SUZ12: variants seen among roughly 807,000 people sequenced by gnomAD.
SUZ12 encodes the protein polycomb protein SUZ12.
SUZ12 carries 17 observed loss-of-function variants against 87.3 expected under a neutral mutation model. That is an observed-to-expected ratio of 0.19 (90% CI 0.13 to 0.29). SUZ12 has a LOEUF of 0.29. Among genes scored for constraint, SUZ12 ranks in the 10% least tolerant of loss-of-function variants. The pLI is 1.00. For synonymous variants in SUZ12, 253 were observed against 312.4 expected, an observed-to-expected ratio of 0.81 and a Z score of 2.01; for missense variants, 526 against 912.2, an observed-to-expected ratio of 0.58 and a Z score of 5.45.
At chr17:31,950,795 T>G (rs1052758670) in intron 4 of SUZ12, among the ~76,000 whole-genome samples, 1 of 152,190 alleles carries the variant, frequency 6.6e-6, no homozygotes, top group Non-Finnish European at 1.5e-5. Flanking sequence ...CTTTTTTTTT[T>G]TTGAGACGGA....
rs1908587973 is a variant in SUZ12, at chr17:31,973,940, TA to T, written c.591+712del. 2.0e-5 allele frequency among the ~76,000 whole-genome samples: 3 copies of T among 152,060 alleles called. No homozygotes were observed. In the South Asian group the frequency reaches 6.2e-4, roughly 32 times the overall value. On this transcript the variant is annotated intron_variant, in intron 6 of 15. Transcript: ENST00000322652. Reference sequence around the variant, plus strand: ...GGAACTTTATTTTTGAAAGTTTATGTAAAGGCCGGTTGCCGTAGCTCACACC... The same window carrying T: ...GGAACTTTATTTTTGAAAGTTTATGTAAGGCCGGTTGCCGTAGCTCACACC...
chr17:31,949,931 C>T (rs188739846), intron 4 of SUZ12, among the ~76,000 whole-genome samples: 44 of 152,118 alleles, frequency 2.9e-4, no homozygotes, highest in Admixed American at 2.9e-3. Flanking sequence ...GATCTGCCTG[C>T]CTTGGCCTCC....
intron 9 of SUZ12, among the ~76,000 whole-genome samples, chr17:31,987,594 A>G (rs1187716731): frequency 6.6e-6 from 1 of 152,136 alleles, no homozygotes; most frequent in Non-Finnish European, 1.5e-5. Flanking sequence ...CTAAGAGCAA[A>G]GGTTGCATGC....
At chr17:31,978,340 C>T (rs1908879708) in intron 8 of SUZ12, among the ~76,000 whole-genome samples, 1 of 152,136 alleles carries the variant, frequency 6.6e-6, no homozygotes, top group African/African-American at 2.4e-5. Context: ...TCCTGAATAG[C>T]TGGGATTACA....
At chr17:31,994,807 T>G in intron 13 of SUZ12, 86 bp downstream of exon 13, 1 of 1,433,884 alleles carries the variant, frequency 7.0e-7, no homozygotes, top group Non-Finnish European at 9.4e-7. Flanking sequence ...AAGCTACTAG[T>G]TCGTTAGGTG....
intron 4 of SUZ12, among the ~76,000 whole-genome samples, chr17:31,956,958 T>C (rs1907382330): frequency 6.6e-6 from 1 of 152,124 alleles, no homozygotes; most frequent in Admixed American, 6.5e-5. Flanking sequence ...GTATTTTTAG[T>C]AGAGACTAGT....
Position 31,937,201 on chromosome 17 carries a change from G to T in SUZ12, c.-46G>T. The T allele has an allele frequency of 7.2e-7, 1 of 1,393,410 alleles. No homozygotes were observed. The highest frequency in any genetic ancestry group is 1.5e-5 in the African/African-American group (1 of 65,354). The allele number at this position is 1,393,410 out of a possible 1,614,324, so 86.3% of individuals were successfully genotyped here. ...TGGTATTGCAGGCGCTTGCTCTCCG[G>T]GGCCGCCCGGCGGGTAGCTGGCGGG... On this transcript the variant is annotated 5_prime_UTR_variant, in exon 1 of 16. Transcript: ENST00000322652.
intron 4 of SUZ12, among the ~76,000 whole-genome samples, chr17:31,949,461 TTAA>T (rs1310357637): frequency 6.6e-6 from 1 of 152,052 alleles, no homozygotes; most frequent in Non-Finnish European, 1.5e-5. Flanking sequence ...CTAAGATGAA[TTAA>T]GAAAGTGTGT....
intron 8 of SUZ12, among the ~76,000 whole-genome samples, chr17:31,980,548 C>T (rs1909044420): frequency 7.0e-6 from 1 of 143,636 alleles, no homozygotes; most frequent in Non-Finnish European, 1.5e-5. Context: ...CTCCCGGGTT[C>T]AAGCGATTCT....
chr17:31,993,792 G>A, intron 11 of SUZ12, 73 bp from the exon 12 acceptor site: 1 of 1,419,500 alleles, frequency 7.0e-7, no homozygotes, highest in Non-Finnish European at 9.6e-7. Flanking sequence ...ACTATTTTTA[G>A]AAGTGATATT....
chr17:31,973,012 A>T, intron 5 of SUZ12, 134 bp from the exon 6 acceptor site: 1 of 692,836 alleles, frequency 1.4e-6, no homozygotes, highest in Non-Finnish European at 2.3e-6. Context: ...GATTTGAGGA[A>T]AAAAGAATGA....
intron 4 of SUZ12, among the ~76,000 whole-genome samples, chr17:31,951,774 C>G (rs1319245470): frequency 7.4e-6 from 1 of 135,442 alleles, no homozygotes; most frequent in Non-Finnish European, 1.5e-5. Flanking sequence ...CCGCGCCCAG[C>G]CTTTTTTTTT....
rs796203928 is a variant in SUZ12 at position 31,999,744 on chromosome 17, GT to G, written c.*753del. The G allele has an allele frequency of 0.015, 2,844 of 186,514 alleles. No homozygotes were observed. Among genetic ancestry groups the G allele is most frequent in the East Asian group, 0.028 (307 of 11,100 alleles). The allele number at this position is 186,514 out of a possible 1,614,324, so 11.6% of individuals were successfully genotyped here. A position where few individuals can be genotyped will look rare whatever the true frequency, so the allele number is the denominator to read the frequency against. On this transcript the variant is annotated 3_prime_UTR_variant, in exon 16 of 16. Transcript: ENST00000322652. ...TTTTAGTGCATTGCTCACCCGGTAT[GT>G]TTTTTTTTTTTAACTTGAACATTTT...
chr17:31,949,992 G>GTTTA (rs1319035204), intron 4 of SUZ12, among the ~76,000 whole-genome samples: 55 of 151,690 alleles, frequency 3.6e-4, no homozygotes, highest in African/African-American at 1.2e-3. Flanking sequence ...CAATTTTTGT[G>GTTTA]TTTATTTATT....
chr17:31,989,765 AT>A lies in SUZ12; in HGVS notation c.1201+1285del, dbSNP rs568524946. 2.3e-3 allele frequency among the ~76,000 whole-genome samples: 303 copies of A among 129,812 alleles called. 1 individual carries two copies. The highest frequency in any genetic ancestry group is 4.6e-3 in the East Asian group (21 of 4,548). 85.2% of individuals were successfully genotyped at this position (129,812 alleles called of 152,430 possible). ...AGGCGCCTGCCACCACGACCAGCTAATTTTTTTTTTTTTTTTTGTATTTTTA... is the reference window on the plus strand; with the variant it reads ...AGGCGCCTGCCACCACGACCAGCTAATTTTTTTTTTTTTTTTGTATTTTTA... On this transcript the variant is annotated intron_variant, in intron 10 of 15. Coordinates refer to ENST00000322652, the MANE Select transcript of SUZ12 (RefSeq NM_015355.4).
At chr17:31,938,705 T>A (rs982858304) in intron 1 of SUZ12, among the ~76,000 whole-genome samples, 6 of 152,244 alleles carry the variant, frequency 3.9e-5, no homozygotes, top group Admixed American at 3.9e-4. Context: ...TGATACTTGT[T>A]TGTACCCCTT....
chr17:31,999,563 A>G lies in SUZ12; in HGVS notation c.*560A>G, dbSNP rs1910153522. The G allele has an allele frequency of 4.3e-6, 1 of 231,236 alleles. No homozygotes were observed. Among genetic ancestry groups the G allele is most frequent in the Admixed American group, 5.6e-5 (1 of 17,750 alleles). 14.3% of individuals were successfully genotyped at this position (231,236 alleles called of 1,614,324 possible). A position where few individuals can be genotyped will look rare whatever the true frequency, so the allele number is the denominator to read the frequency against. On this transcript the variant is annotated 3_prime_UTR_variant, in exon 16 of 16. Coordinates refer to ENST00000322652, the MANE Select transcript of SUZ12 (RefSeq NM_015355.4). Reference sequence around the variant, plus strand: ...TTGTCAATTCGGAATGAAAAATTATAATGTAATTTTACATTACATAAGTTC... The same window carrying G: ...TTGTCAATTCGGAATGAAAAATTATGATGTAATTTTACATTACATAAGTTC...
At chr17:31,950,954 G>C (rs905317480) in intron 4 of SUZ12, among the ~76,000 whole-genome samples, 2 of 151,986 alleles carry the variant, frequency 1.3e-5, no homozygotes, top group African/African-American at 2.4e-5. Flanking sequence ...CTAATTTTTT[G>C]TATTTTTAGT....
intron 4 of SUZ12, among the ~76,000 whole-genome samples, chr17:31,949,944 A>T (rs1311880412): frequency 6.6e-6 from 1 of 151,888 alleles, no homozygotes; most frequent in African/African-American, 2.4e-5. Context: ...TGGCCTCCTG[A>T]AGTGCTGGGA....
Sources: gnomAD v4.1 joint callset for allele counts (sites outside exome capture counted in the v4.1 genomes callset) on GRCh38, gnomAD v4.1.1 for gene constraint, MANE v1.5 for transcripts, NCBI Gene and HGNC (gene_info 2026-07-23, HGNC 2026-07-21) for gene names.